The following NUP210 variants were observed in gnomAD, a reference collection of about 807,000 sequenced individuals.
The protein encoded by NUP210 is nuclear pore membrane glycoprotein 210.
In NUP210, 151 loss-of-function variants were observed where a neutral mutation model predicts 196.0. The ratio of observed to expected loss-of-function variants is 0.77; its 90% CI spans 0.67 to 0.88. The LOEUF (loss-of-function observed/expected upper bound fraction) is 0.88. NUP210 is among the 40% of genes least tolerant of loss of function. The probability of loss-of-function intolerance (pLI) is 0.00; values close to 1 mark genes in which losing one functional copy is unlikely to be tolerated. For missense variants in NUP210, 2,314 were observed against 2,493.7 expected (o/e 0.93, Z 1.53); for synonymous variants, 1,070 against 1,052.7 (o/e 1.02, Z -0.32).
chr3:13,352,111 T>A lies in NUP210; in HGVS notation c.2702A>T (p.Glu901Val). Residue 901 changes from glutamate (E) to valine (V), a missense_variant, in exon 19 of 40, where the codon GAG becomes GTG. Glu to Val is a moderately radical substitution (Grantham distance 121). Coordinates refer to ENST00000254508, the MANE Select transcript of NUP210 (RefSeq NM_024923.4). ...LVEDVRVSPE[E>V]VTIYNHPGIQ... is the part of the protein sequence containing the mutation. ...GCCAGGGTGGTTGTAGATGGTCACC[T>A]CTTCTGGGCTCACCCTCACGTCCTC... is the stretch of plus-strand genomic sequence containing the variant. 6.2e-7 allele frequency: 1 copy of A among 1,614,048 alleles called. No individual in the cohort carries two copies. The highest frequency in any genetic ancestry group is 1.3e-5 in the African/African-American group (1 of 75,028).
Position 13,351,881 on chromosome 3 carries a change from T to G in NUP210, c.2833A>C (p.Met945Leu). Reference sequence around the variant, plus strand: ...GGGGACCGATGGCCCAAGCTTACCATGGCGACACCCCTGGCCTCCTGGTAG... The same window carrying G: ...GGGGACCGATGGCCCAAGCTTACCAGGGCGACACCCCTGGCCTCCTGGTAG... ...VAYQEARGVA[M>L]VHPLLPGSST... The change falls in exon 20 of 40, where the codon ATG becomes CTG. Residue 945 changes from methionine to leucine, a missense_variant and splice_region_variant. By Grantham distance (15) the Met-to-Leu change is conservative (BLOSUM62 2). Coordinates refer to ENST00000254508, the MANE Select transcript of NUP210 (RefSeq NM_024923.4). 1 of 1,609,914 alleles carries G rather than the reference T, an allele frequency of 6.2e-7. No homozygotes were observed. The highest frequency in any genetic ancestry group is 1.1e-5 in the South Asian group (1 of 90,956).
In NUP210 at chr3:13,360,376, G is replaced by C. The variant is rs757652534; in HGVS notation, c.2048C>G (p.Thr683Ser). ...LEPSKFFQNV[T>S]AEDTDSIGLA... ...GCCGATGCTGTCAGTGTCCTCAGCG[G>C]TGACGTTCTGGAAGAATTTGGACGG... Residue 683 changes from threonine to serine, a missense_variant, in exon 15 of 40, where the codon ACC (threonine) becomes AGC (serine). Coordinates refer to ENST00000254508, the MANE Select transcript of NUP210 (RefSeq NM_024923.4). 6.2e-7 allele frequency: 1 copy of C among 1,614,082 alleles called. No individual in the cohort carries two copies. The highest frequency in any genetic ancestry group is 1.3e-5 in the African/African-American group (1 of 74,942).
At chr3:13,370,617 G>A (rs1348538267) in intron 13 of NUP210, among the ~76,000 whole-genome samples, 2 of 152,192 alleles carry the variant, frequency 1.3e-5, no homozygotes, top group African/African-American at 2.4e-5. Context: ...CCTCTCCCAC[G>A]TGCAAGACTT....
Position 13,388,329 on chromosome 3 carries a change from C to T in NUP210, c.658G>A (p.Ala220Thr), listed in dbSNP as rs747259107. 2 of 1,611,110 alleles carry T rather than the reference C, an allele frequency of 1.2e-6. No individual in the cohort carries two copies. Among genetic ancestry groups the T allele is most frequent in the Admixed American group, 1.7e-5 (1 of 59,442 alleles). The change falls in exon 5 of 40, where the codon GCT (alanine) becomes ACT (threonine). Residue 220 changes from alanine (A) to threonine (T), a missense_variant. Ala to Thr is a moderately conservative substitution (Grantham distance 58, BLOSUM62 0). Transcript: ENST00000254508. ...GMKTGSSKLKARIQEAVYKNV... is the reference protein window; with the variant it reads ...GMKTGSSKLKTRIQEAVYKNV... ...TTGTAGACAGCCTCCTGGATGCGAG[C>T]CTTGAGCTTGGAGCTCCCGGTCTTC... is the stretch of plus-strand genomic sequence containing the variant.
chr3:13,366,465 G>A (rs1398283523), intron 13 of NUP210, among the ~76,000 whole-genome samples: 1 of 151,458 alleles, frequency 6.6e-6, no homozygotes, highest in Admixed American at 6.6e-5. Context: ...GGCACAACAG[G>A]CTGGGGGCCC....
Position 13,399,873 on chromosome 3 carries a change from G to T in NUP210, c.168-12C>A, listed in dbSNP as rs369389584. On this transcript the variant is annotated splice_polypyrimidine_tract_variant and intron_variant, in intron 1 of 39. Transcript: ENST00000254508. ...GCCGGGTGGACAACCTGCAGTGGAA[G>T]AAGACAGCATTTACTCTCTGGAGCT... 1.3e-6 allele frequency: 2 copies of T among 1,595,602 alleles called. 1 individual carries two copies. The highest frequency in any genetic ancestry group is 2.3e-5 in the South Asian group (2 of 87,118).
chr3:13,367,291 C>T (rs1031165059), intron 13 of NUP210, among the ~76,000 whole-genome samples: 3 of 151,862 alleles, frequency 2.0e-5, no homozygotes, highest in Non-Finnish European at 4.4e-5. Flanking sequence ...CAGAATTAGC[C>T]GCGTGTGGTG....
In NUP210 at chr3:13,388,410, T is replaced by G. The variant is rs1387176844; in HGVS notation, c.577A>C (p.Ile193Leu). The change falls in exon 5 of 40, where the codon ATC becomes CTC. Residue 193 changes from isoleucine to leucine, a missense_variant. Physicochemically the swap from Ile to Leu is conservative, Grantham distance 5. Transcript: ENST00000254508. ...LESTYIPPSYISEMEKAAKQG... is the reference protein window; with the variant it reads ...LESTYIPPSYLSEMEKAAKQG... ...TTGGCAGCCTTCTCCATCTCTGAGA[T>G]GTAAGAAGGAGGGATGTACGTAGAC... 1 of 1,612,228 alleles carries G rather than the reference T, an allele frequency of 6.2e-7. No individual in the cohort carries two copies. The highest frequency in any genetic ancestry group is 8.5e-7 in the Non-Finnish European group (1 of 1,179,296).
Position 13,321,684 on chromosome 3 carries a change from T to C in NUP210, c.5067A>G (p.Pro1689=), listed in dbSNP as rs1397332095. The C allele has an allele frequency of 6.2e-7, 1 of 1,614,056 alleles. No individual in the cohort carries two copies. The highest frequency in any genetic ancestry group is 1.3e-5 in the African/African-American group (1 of 74,928). ...TTTCAGCCTGGTCGGCGAAGAGACC[T>C]GGGCTGAAGGGCACCTCGGCCCCCA... is the stretch of plus-strand genomic sequence containing the variant. The part of the protein sequence containing the change: ...EQVGAEVPFS[P]GLFADQAEIL... The change falls in exon 36 of 40, where the codon CCA becomes CCG. Residue 1689 remains proline (P), a synonymous_variant. Transcript: ENST00000254508.
At position 13,321,704 on chromosome 3, in the gene NUP210, C is replaced by G; in HGVS notation, c.5047G>C (p.Ala1683Pro). The G allele has an allele frequency of 6.2e-7, 1 of 1,614,116 alleles. No homozygotes were observed. The highest frequency in any genetic ancestry group is 1.1e-5 in the South Asian group (1 of 91,082). ...SSHFSTEQVG[A>P]EVPFSPGLFA... ...AGACCTGGGCTGAAGGGCACCTCGG[C>G]CCCCACCTGCTCTGTGGAGAAGTGG... Residue 1683 changes from alanine to proline, a missense_variant, in exon 36 of 40, where the codon GCC becomes CCC. Ala to Pro is a conservative substitution (Grantham distance 27). Transcript: ENST00000254508.
intron 25 of NUP210, among the ~76,000 whole-genome samples, chr3:13,338,387 C>T (rs1181800292): frequency 2.6e-5 from 4 of 152,190 alleles, no homozygotes; most frequent in Non-Finnish European, 2.9e-5. Flanking sequence ...CTCCACACTC[C>T]TATTAATCTG....
intron 14 of NUP210, among the ~76,000 whole-genome samples, chr3:13,362,005 A>C (rs981165618): frequency 6.6e-6 from 1 of 151,842 alleles, no homozygotes. Flanking sequence ...CCCAGCCCCA[A>C]CCTGCAGCCC....
chr3:13,324,196 T>C (rs1696650735), intron 33 of NUP210, among the ~76,000 whole-genome samples: 1 of 137,664 alleles, frequency 7.3e-6, no homozygotes, highest in East Asian at 2.5e-4. Context: ...TGTGTCCCAC[T>C]CTCTAGCCTG....
intron 16 of NUP210, among the ~76,000 whole-genome samples, chr3:13,356,918 C>T (rs982277094): frequency 8.5e-5 from 13 of 152,214 alleles, no homozygotes; most frequent in African/African-American, 1.4e-4. Context: ...CAAGGTGGCC[C>T]GCTCAGCTCA....
At chr3:13,381,269 G>A (rs1273551324) in intron 6 of NUP210, among the ~76,000 whole-genome samples, 1 of 152,184 alleles carries the variant, frequency 6.6e-6, no homozygotes, top group African/African-American at 2.4e-5. Context: ...TTCTAAATGA[G>A]TAAGGCCCTT....
At position 13,347,570 on chromosome 3, in the gene NUP210, G is replaced by A. The variant is rs1697793074; in HGVS notation, c.2836-4267C>T. ...AAAACCCCCACAGGACCCCTGCTGC[G>A]TGAGCCCCAGAGAGCCCCCCAGAGA... On this transcript the variant is annotated intron_variant, in intron 20 of 39. Transcript: ENST00000254508. This position sits in a 1 kb window ranked among gnomAD's most constrained non-coding sequence, Gnocchi z 4.7. Among the ~76,000 whole-genome samples the A allele has an allele frequency of 6.6e-6, 1 of 152,104 alleles. No homozygotes were observed. The highest frequency in any genetic ancestry group is 6.5e-5 in the Admixed American group (1 of 15,276).
chr3:13,364,394 AG>A (rs1698463033), intron 14 of NUP210, among the ~76,000 whole-genome samples: 1 of 152,140 alleles, frequency 6.6e-6, no homozygotes, highest in African/African-American at 2.4e-5. Flanking sequence ...TTTGCTCTGG[AG>A]GTCAGGAGGC....
intron 1 of NUP210, among the ~76,000 whole-genome samples, chr3:13,416,117 T>C (rs1700341018): frequency 6.6e-6 from 1 of 152,130 alleles, no homozygotes; most frequent in African/African-American, 2.4e-5. Flanking sequence ...TCTACCTGTT[T>C]GAGAATCCTT....
In NUP210 at chr3:13,335,558, C is replaced by A. The variant is rs943226146; in HGVS notation, c.3739G>T (p.Val1247Leu). 36 of 1,614,020 alleles carry A rather than the reference C, an allele frequency of 2.2e-5. No individual in the cohort carries two copies. The highest frequency in any genetic ancestry group is 2.9e-5 in the Non-Finnish European group (34 of 1,180,052). Residue 1247 changes from valine (V) to leucine (L), a missense_variant, in exon 28 of 40, where the codon GTA (valine) becomes TTA (leucine). Transcript: ENST00000254508. ...YNFAMNVLGR[V>L]KGRTGLRVVV... ...ACCCTCAGCCCGGTCCGGCCTTTTA[C>A]CCGGCCGAGCACGTTCATGGCAAAG...
Sources: gnomAD v4.1 joint callset for allele counts (sites outside exome capture counted in the v4.1 genomes callset) on GRCh38, gnomAD v4.1.1 for gene constraint, Gnocchi (gnomAD v3.1) non-coding constraint, MANE v1.5 for transcripts, NCBI Gene and HGNC (gene_info 2026-07-23, HGNC 2026-07-21) for gene names.